The following LINGO2 variants were observed in gnomAD, a reference collection of about 807,000 sequenced individuals.
LINGO2 encodes the protein leucine rich repeat and Ig domain containing 2, also known as leucine-rich repeat and immunoglobulin-like domain-containing nogo receptor-interacting protein 2.
LINGO2 carries 14 observed loss-of-function variants against 30.6 expected under a neutral mutation model. The observed-to-expected ratio is 0.46, with a 90% CI of 0.30 to 0.72. The LOEUF (loss-of-function observed/expected upper bound fraction) is 0.72, where lower values mean the gene tolerates loss of function less well. Ranked by LOEUF, LINGO2 falls within the 30% of genes least tolerant of loss-of-function variation. LINGO2 has a pLI of 0.07. For missense variants in LINGO2, 729 were observed against 751.7 expected, an observed-to-expected ratio of 0.97 and a Z score of 0.35; for synonymous variants, 317 against 288.5, an observed-to-expected ratio of 1.10 and a Z score of -1.00.
rs73437464 is a variant in LINGO2 at position 28,447,790 on chromosome 9, T to C, written c.-279+28150A>G. On this transcript the variant is annotated intron_variant, in intron 2 of 5. Transcript: ENST00000379992. ...CAAGTTTATAACACAAAACTTTACATTACTTGCTTGATATAGGAACTCATC... is the reference window on the plus strand; with the variant it reads ...CAAGTTTATAACACAAAACTTTACACTACTTGCTTGATATAGGAACTCATC... 1.3e-3 allele frequency among the ~76,000 whole-genome samples: 197 copies of C among 152,298 alleles called. 1 individual carries two copies. Among genetic ancestry groups the C allele is most frequent in the African/African-American group, 4.4e-3 (185 of 41,580 alleles).
chr9:28,482,461 T>G (rs992515085), intron 1 of LINGO2, among the ~76,000 whole-genome samples: 1 of 152,118 alleles, frequency 6.6e-6, no homozygotes. Flanking sequence ...GCCCACTTTT[T>G]GATGGGGTTG....
chr9:28,921,848 G>A, the LINGO2 span, among the ~76,000 whole-genome samples: 1 of 152,172 alleles, frequency 6.6e-6, no homozygotes, highest in African/African-American at 2.4e-5. Context: ...ATCGGCAGGA[G>A]ATTGCAGAGA....
At chr9:27,948,816 A>T in exon 6 of LINGO2, 3 of 1,571,080 alleles carry the variant, frequency 1.9e-6, no homozygotes, top group Non-Finnish European at 2.6e-6. Context: ...GATTACCCAC[A>T]TTGACAAAGA....
At chr9:28,323,693 A>T (rs73645645) in intron 3 of LINGO2, among the ~76,000 whole-genome samples, 7 of 152,202 alleles carry the variant, frequency 4.6e-5, no homozygotes, top group Non-Finnish European at 8.8e-5. Flanking sequence ...CAAAGCAAAC[A>T]TAAGTTCGGA....
At chr9:28,413,748 A>G (rs948583069) in intron 2 of LINGO2, among the ~76,000 whole-genome samples, 8 of 151,902 alleles carry the variant, frequency 5.3e-5, no homozygotes, top group African/African-American at 1.9e-4. Flanking sequence ...GCTTAGACTG[A>G]TCCTTTCTGC....
At chr9:28,834,969 T>C in the LINGO2 span, among the ~76,000 whole-genome samples, 1 of 152,172 alleles carries the variant, frequency 6.6e-6, no homozygotes, top group Non-Finnish European at 1.5e-5. Flanking sequence ...ACTCAATAAA[T>C]GTCTTTTTAA....
At chr9:28,371,514 G>A (rs1384706289) in intron 3 of LINGO2, among the ~76,000 whole-genome samples, 1 of 152,104 alleles carries the variant, frequency 6.6e-6, no homozygotes, top group Non-Finnish European at 1.5e-5. Context: ...TCCCTTTCGT[G>A]ATTCATGAAC....
intron 1 of LINGO2, among the ~76,000 whole-genome samples, chr9:28,658,399 C>T (rs1457491882): frequency 6.6e-6 from 1 of 151,894 alleles, no homozygotes; most frequent in African/African-American, 2.4e-5. Flanking sequence ...TCAGTGTTTG[C>T]TTCAACTGTT....
chr9:28,516,437 G>C (rs908657217), intron 1 of LINGO2, among the ~76,000 whole-genome samples: 2 of 152,284 alleles, frequency 1.3e-5, no homozygotes, highest in Middle Eastern at 3.4e-3. Context: ...CCAGTCTTTG[G>C]TGGAGATGGA....
intron 4 of LINGO2, among the ~76,000 whole-genome samples, chr9:28,241,799 C>T (rs1413647496): frequency 6.6e-6 from 1 of 152,156 alleles, no homozygotes; most frequent in Non-Finnish European, 1.5e-5. Context: ...CTTCTCCAGC[C>T]TCCCTGAATA....
At chr9:28,143,061 G>A (rs12684801) in intron 4 of LINGO2, among the ~76,000 whole-genome samples, 1 of 152,088 alleles carries the variant, frequency 6.6e-6, no homozygotes, top group East Asian at 1.9e-4. Context: ...CTAAGGGTGG[G>A]ACTCTAAGCT....
At chr9:28,999,047 A>G in the LINGO2 span, among the ~76,000 whole-genome samples, 2 of 152,076 alleles carry the variant, frequency 1.3e-5, no homozygotes, top group Non-Finnish European at 2.9e-5. Context: ...AGACTCATAC[A>G]CTCTTAATAG....
the LINGO2 span, among the ~76,000 whole-genome samples, chr9:29,120,873 T>C: frequency 6.6e-6 from 1 of 152,180 alleles, no homozygotes; most frequent in African/African-American, 2.4e-5. Context: ...ATAAGAACTA[T>C]ATAAGGTATC....
chr9:28,388,111 T>C (rs1258544853), intron 2 of LINGO2, among the ~76,000 whole-genome samples: 1 of 152,196 alleles, frequency 6.6e-6, no homozygotes, highest in Admixed American at 6.5e-5. Flanking sequence ...CTGTTCTTCA[T>C]AGTTTTACTA....
At chr9:28,022,485 G>C (rs576977137) in intron 4 of LINGO2, among the ~76,000 whole-genome samples, 1 of 152,166 alleles carries the variant, frequency 6.6e-6, no homozygotes, top group Admixed American at 6.5e-5. Context: ...CATCTGCAGA[G>C]TGGTCTTCTG....
At chr9:28,065,574 T>G (rs578000878) in intron 4 of LINGO2, among the ~76,000 whole-genome samples, 1 of 152,136 alleles carries the variant, frequency 6.6e-6, no homozygotes, top group Admixed American at 6.6e-5. Flanking sequence ...TATTACATTT[T>G]AAAAATATGT....
chr9:28,254,371 G>C (rs958246132), intron 4 of LINGO2, among the ~76,000 whole-genome samples: 2 of 151,896 alleles, frequency 1.3e-5, no homozygotes, highest in African/African-American at 4.8e-5. Flanking sequence ...GTGCACAAAG[G>C]TTGCCCCTAA....
In LINGO2 at chr9:27,977,248, A is replaced by T. The variant is rs572295327; in HGVS notation, c.-35-26542T>A. 4.6e-5 allele frequency among the ~76,000 whole-genome samples: 7 copies of T among 151,922 alleles called. No individual in the cohort carries two copies. The South Asian group carries it at 1.5e-3, about 32-fold the overall frequency. On this transcript the variant is annotated intron_variant, in intron 5 of 5. Coordinates refer to ENST00000379992, the Ensembl canonical transcript of LINGO2. The stretch of plus-strand genomic sequence containing the variant: ...AGACCACAGAGATAAAGACAAGAGG[A>T]GACATTTCAGGGTTACTCCTAATGC...
Position 28,579,294 on chromosome 9 carries a change from A to C in LINGO2, c.-365+90906T>G, listed in dbSNP as rs1235359963. Reference sequence around the variant, plus strand: ...CTCTTAGCCCATGATAAAAATATATATTTTATAGGAATGGTTTAAGGAGAT... The same window carrying C: ...CTCTTAGCCCATGATAAAAATATATCTTTTATAGGAATGGTTTAAGGAGAT... On this transcript the variant is annotated intron_variant, in intron 1 of 5. Coordinates refer to ENST00000379992, the Ensembl canonical transcript of LINGO2. 3.3e-5 allele frequency among the ~76,000 whole-genome samples: 5 copies of C among 151,950 alleles called. No individual in the cohort carries two copies. In the East Asian group the frequency reaches 9.7e-4, roughly 29 times the overall value.
Sources: allele counts gnomAD v4.1 joint callset (sites outside exome capture counted in the v4.1 genomes callset), GRCh38; gene constraint gnomAD v4.1.1; transcripts MANE v1.5; gene names NCBI Gene and HGNC (gene_info 2026-07-23, HGNC 2026-07-21).